The following ITFG1 variants were observed in gnomAD, a reference collection of about 807,000 sequenced individuals.
ITFG1 encodes integrin alpha FG-GAP repeat containing 1.
In ITFG1, 34 loss-of-function variants were observed where a neutral mutation model predicts 81.8. The observed-to-expected ratio is 0.42, with a 90% CI of 0.32 to 0.55. The LOEUF (loss-of-function observed/expected upper bound fraction) is 0.55. Ranked by LOEUF, ITFG1 falls within the 20% of genes least tolerant of loss-of-function variation. The pLI, the probability that ITFG1 is intolerant of heterozygous loss-of-function variation, is 0.17. For missense variants in ITFG1, 672 were observed against 755.4 expected, an observed-to-expected ratio of 0.89 and a Z score of 1.29; for synonymous variants, 285 against 270.6, an observed-to-expected ratio of 1.05 and a Z score of -0.52.
At chr16:47,439,816 AT>A (rs1969221389) in intron 5 of ITFG1, among the ~76,000 whole-genome samples, 2 of 152,242 alleles carry the variant, frequency 1.3e-5, no homozygotes, top group African/African-American at 2.4e-5. Context: ...TAATGACAGG[AT>A]AAAATTCACA....
intron 14 of ITFG1, among the ~76,000 whole-genome samples, chr16:47,175,074 A>G (rs1055944930): frequency 6.6e-6 from 1 of 152,216 alleles, no homozygotes. Flanking sequence ...ATCTGAAGCA[A>G]TACTATACTG....
chr16:47,351,270 T>G (rs1013242430), intron 8 of ITFG1, among the ~76,000 whole-genome samples: 18 of 152,200 alleles, frequency 1.2e-4, no homozygotes, highest in African/African-American at 4.3e-4. Context: ...GAAGTCGAAT[T>G]GTCCCTGTTT....
At chr16:47,260,782 C>T (rs751881637) in intron 10 of ITFG1, 87 bp from the exon 11 acceptor site, 71 of 1,325,840 alleles carry the variant, frequency 5.4e-5, no homozygotes, top group South Asian at 1.9e-4. Context: ...TAAAAGGAGA[C>T]GGTAAACGGT....
chr16:47,407,091 C>T (rs532747243), intron 6 of ITFG1, among the ~76,000 whole-genome samples: 2 of 152,146 alleles, frequency 1.3e-5, no homozygotes, highest in African/African-American at 4.8e-5. Flanking sequence ...GGCTATTTAT[C>T]CAAATGTAAT....
chr16:47,208,466 A>G (rs1341624199), intron 14 of ITFG1, among the ~76,000 whole-genome samples: 3 of 152,238 alleles, frequency 2.0e-5, no homozygotes, highest in Non-Finnish European at 4.4e-5. Flanking sequence ...TGAGACTAGT[A>G]TGAGGCACTG....
chr16:47,460,841 C>G lies in ITFG1; in HGVS notation c.205G>C (p.Glu69Gln), dbSNP rs1457859376. 2 of 1,613,356 alleles carry G rather than the reference C, an allele frequency of 1.2e-6. No individual in the cohort carries two copies. Among genetic ancestry groups the G allele is most frequent in the East Asian group, 2.2e-5 (1 of 44,856 alleles). ...DKQTDLFVLR[E>Q]RNDLIVFLAD... Reference sequence around the variant, plus strand: ...GGAGGGCCCGGCAAGCACTGACTTTCCCGCAGCACGAAGAGATCCGTCTGC... The same window carrying G: ...GGAGGGCCCGGCAAGCACTGACTTTGCCGCAGCACGAAGAGATCCGTCTGC... Residue 69 changes from glutamate to glutamine, a missense_variant, in exon 1 of 18, where the codon GAA (glutamate) becomes CAA (glutamine). Glu to Gln is a conservative substitution (Grantham distance 29). Transcript: ENST00000320640.
At chr16:47,163,940 C>T (rs998313106) in intron 14 of ITFG1, among the ~76,000 whole-genome samples, 4 of 148,878 alleles carry the variant, frequency 2.7e-5, no homozygotes, top group African/African-American at 5.2e-5. Context: ...CACACACACA[C>T]ACACACACAC....
At position 47,457,789 on chromosome 16, in the gene ITFG1, TA is replaced by T. The variant is rs758284035; in HGVS notation, c.281+1313del. Among the ~76,000 whole-genome samples, 576 of 150,226 alleles carry T rather than the reference TA, an allele frequency of 3.8e-3. 4 individuals are homozygous for T. The highest frequency in any genetic ancestry group is 0.014 in the African/African-American group (556 of 41,002). ...TCTTTTAAATTTCCTTAATTTCTAATAAAAAAAAAATCACCTCTATGCAGTT... is the reference window on the plus strand; with the variant it reads ...TCTTTTAAATTTCCTTAATTTCTAATAAAAAAAAATCACCTCTATGCAGTT... On this transcript the variant is annotated intron_variant, in intron 2 of 17. Transcript: ENST00000320640.
chr16:47,293,399 G>A (rs1966937755), intron 10 of ITFG1, among the ~76,000 whole-genome samples: 1 of 151,808 alleles, frequency 6.6e-6, no homozygotes, highest in South Asian at 2.1e-4. Context: ...TCGAATGGTA[G>A]TTCTATTTTT....
intron 8 of ITFG1, among the ~76,000 whole-genome samples, chr16:47,340,455 T>A (rs1357742219): frequency 6.6e-6 from 1 of 152,168 alleles, no homozygotes; most frequent in Non-Finnish European, 1.5e-5. Context: ...ATTAAGCTGG[T>A]TTCAATTCAA....
intron 5 of ITFG1, among the ~76,000 whole-genome samples, chr16:47,435,966 A>T (rs1480894898): frequency 6.6e-6 from 1 of 152,110 alleles, no homozygotes; most frequent in Non-Finnish European, 1.5e-5. Context: ...ATATAAATAT[A>T]ATTGAATTGT....
chr16:47,298,621 G>A (rs1967022085), intron 10 of ITFG1, among the ~76,000 whole-genome samples: 1 of 152,174 alleles, frequency 6.6e-6, no homozygotes, highest in Non-Finnish European at 1.5e-5. Context: ...GGCAGTTGTA[G>A]TAGCTGTGTA....
chr16:47,436,789 TA>T (rs1452871950), intron 5 of ITFG1, among the ~76,000 whole-genome samples: 2 of 152,212 alleles, frequency 1.3e-5, no homozygotes, highest in Admixed American at 6.5e-5. Flanking sequence ...CTGTTCAAAG[TA>T]AGCAGCTGGA....
At chr16:47,344,238 T>C (rs1482849973) in intron 8 of ITFG1, among the ~76,000 whole-genome samples, 2 of 152,330 alleles carry the variant, frequency 1.3e-5, no homozygotes, top group African/African-American at 2.4e-5. Flanking sequence ...ACTGAATTAA[T>C]ACATTTAAAA....
At chr16:47,364,147 C>A (rs1275368489) in intron 8 of ITFG1, among the ~76,000 whole-genome samples, 1 of 152,086 alleles carries the variant, frequency 6.6e-6, no homozygotes, top group African/African-American at 2.4e-5. Context: ...CAATATTCAA[C>A]TAAAAATACA....
intron 8 of ITFG1, among the ~76,000 whole-genome samples, chr16:47,349,699 A>C (rs1314925128): frequency 6.6e-6 from 1 of 152,204 alleles, no homozygotes. Flanking sequence ...TCAGCTCTGG[A>C]CCAAGCAGAC....
At chr16:47,386,834 T>C (rs1303519898) in intron 6 of ITFG1, among the ~76,000 whole-genome samples, 3 of 152,136 alleles carry the variant, frequency 2.0e-5, no homozygotes, top group Non-Finnish European at 2.9e-5. Flanking sequence ...AAACAGAGTG[T>C]GGGGAAGTTC....
intron 13 of ITFG1, among the ~76,000 whole-genome samples, chr16:47,225,874 C>G (rs557785407): frequency 6.6e-6 from 1 of 151,802 alleles, no homozygotes; most frequent in East Asian, 1.9e-4. Context: ...TTAAAGGTAA[C>G]TCTAAGTATT....
chr16:47,265,430 G>C (rs909609609), intron 10 of ITFG1, among the ~76,000 whole-genome samples: 4 of 151,954 alleles, frequency 2.6e-5, no homozygotes, highest in Admixed American at 2.0e-4. Flanking sequence ...AGAATCAACT[G>C]TCTAAACAAA....
Sources: gnomAD v4.1 joint callset for allele counts (sites outside exome capture counted in the v4.1 genomes callset) on GRCh38, gnomAD v4.1.1 for gene constraint, MANE v1.5 for transcripts, NCBI Gene and HGNC (gene_info 2026-07-23, HGNC 2026-07-21) for gene names.